SBF2: variants seen among roughly 807,000 people sequenced by gnomAD.
The protein encoded by SBF2 is SET binding factor 2.
In SBF2, 112 loss-of-function variants were observed where a neutral mutation model predicts 225.2. The ratio of observed to expected loss-of-function variants is 0.50; its 90% CI spans 0.43 to 0.58. The LOEUF (loss-of-function observed/expected upper bound fraction) is 0.58, where lower values mean the gene tolerates loss of function less well. Ranked by LOEUF, SBF2 falls within the 20% of genes least tolerant of loss-of-function variation. SBF2 has a pLI of 0.00. For synonymous variants in SBF2, 763 were observed against 773.3 expected (o/e 0.99, Z 0.22); for missense variants, 1,996 against 2,206.2 (o/e 0.90, Z 1.91).
chr11:10,110,126 T>C (rs1480275241), intron 2 of SBF2, among the ~76,000 whole-genome samples: 2 of 152,212 alleles, frequency 1.3e-5, no homozygotes, highest in African/African-American at 4.8e-5. Context: ...AAATAAAACA[T>C]TTCTTCACTG....
At chr11:9,871,404 C>A (rs577085632) in intron 17 of SBF2, among the ~76,000 whole-genome samples, 1 of 151,398 alleles carries the variant, frequency 6.6e-6, no homozygotes, top group South Asian at 2.1e-4. Flanking sequence ...CTCACCATCA[C>A]TGATCATTAG....
At chr11:10,182,020 A>G (rs57997449) in intron 2 of SBF2, among the ~76,000 whole-genome samples, 14,471 of 152,192 alleles carry the variant, frequency 0.095, 932 homozygotes, top group East Asian at 0.28. Context: ...TTATTAAATC[A>G]ACAGATTTGC....
chr11:10,123,638 C>A (rs1215845101), intron 2 of SBF2, among the ~76,000 whole-genome samples: 1 of 151,530 alleles, frequency 6.6e-6, no homozygotes, highest in Admixed American at 6.6e-5. Context: ...TATTCAGAGT[C>A]GAGTTTAATC....
chr11:9,819,018 G>A (rs542669883), intron 28 of SBF2, among the ~76,000 whole-genome samples: 6 of 152,258 alleles, frequency 3.9e-5, no homozygotes, highest in South Asian at 4.2e-4. Flanking sequence ...CACCACACCC[G>A]GCTGCATGAA....
Position 9,888,188 on chromosome 11 carries a change from A to G in SBF2, c.1929+7755T>C, listed in dbSNP as rs76311302. ...TGTATTTAGTGTAATTTTGAAAACTATGTTCCCTATTAGAAATACGTGAAA... is the reference window on the plus strand; with the variant it reads ...TGTATTTAGTGTAATTTTGAAAACTGTGTTCCCTATTAGAAATACGTGAAA... On this transcript the variant is annotated intron_variant, in intron 17 of 39. Coordinates refer to ENST00000256190, the MANE Select transcript of SBF2 (RefSeq NM_030962.4). 2.5e-3 allele frequency among the ~76,000 whole-genome samples: 380 copies of G among 152,260 alleles called. 2 individuals carry two copies. Among genetic ancestry groups the G allele is most frequent in the African/African-American group, 8.5e-3 (353 of 41,552 alleles).
chr11:9,980,495 G>A (rs911845321), intron 13 of SBF2, among the ~76,000 whole-genome samples: 2 of 152,116 alleles, frequency 1.3e-5, no homozygotes, highest in Non-Finnish European at 2.9e-5. Context: ...GCATGTGTTA[G>A]TAATATTACT....
intron 2 of SBF2, among the ~76,000 whole-genome samples, chr11:10,063,697 T>C (rs1048284210): frequency 6.6e-6 from 1 of 151,824 alleles, no homozygotes; most frequent in Non-Finnish European, 1.5e-5. Context: ...ATAAAAAAAC[T>C]CAAACTACTG....
At chr11:9,997,265 T>A (rs1004733155) in intron 9 of SBF2, among the ~76,000 whole-genome samples, 9 of 152,194 alleles carry the variant, frequency 5.9e-5, no homozygotes, top group African/African-American at 2.2e-4. Context: ...TGAAAAGCAA[T>A]GCAGAATTTC....
intron 13 of SBF2, among the ~76,000 whole-genome samples, chr11:9,978,177 T>C (rs1354440087): frequency 1.3e-5 from 2 of 152,256 alleles, no homozygotes; most frequent in East Asian, 3.9e-4. Flanking sequence ...CTGCCTCCCT[T>C]CCCCCAATTT....
chr11:10,003,989 G>A (rs1417218855), intron 6 of SBF2, among the ~76,000 whole-genome samples: 2 of 151,934 alleles, frequency 1.3e-5, no homozygotes, highest in Non-Finnish European at 1.5e-5. Flanking sequence ...TTCTTCATGT[G>A]ACATGCAAAT....
rs563827011 is a variant in SBF2 at position 10,124,498 on chromosome 11, G to A, written c.141+69404C>T. Among the ~76,000 whole-genome samples the A allele has an allele frequency of 2.5e-4, 38 of 152,202 alleles. No individual in the cohort carries two copies. The South Asian group carries it at 7.5e-3, about 30-fold the overall frequency. Reference sequence around the variant, plus strand: ...GAAGGCATCATTTTTCAATTTTCCTGGAAAGGTGAACTATATAAGTCCCTA... The same window carrying A: ...GAAGGCATCATTTTTCAATTTTCCTAGAAAGGTGAACTATATAAGTCCCTA... On this transcript the variant is annotated intron_variant, in intron 2 of 39. Coordinates refer to ENST00000256190, the MANE Select transcript of SBF2 (RefSeq NM_030962.4).
chr11:9,945,828 A>C (rs2134309694), intron 16 of SBF2, among the ~76,000 whole-genome samples: 1 of 152,350 alleles, frequency 6.6e-6, no homozygotes, highest in Non-Finnish European at 1.5e-5. Context: ...AGTATATAAA[A>C]AATGTTCAAC....
intron 2 of SBF2, among the ~76,000 whole-genome samples, chr11:10,122,306 C>G (rs1290714259): frequency 6.6e-6 from 1 of 152,120 alleles, no homozygotes; most frequent in East Asian, 1.9e-4. Context: ...GGGTGGAAGA[C>G]AGGAATAAAA....
intron 2 of SBF2, among the ~76,000 whole-genome samples, chr11:10,136,272 T>A (rs1269802999): frequency 2.0e-5 from 3 of 152,100 alleles, no homozygotes; most frequent in African/African-American, 7.2e-5. Flanking sequence ...AAGGTGAGAT[T>A]TGGATAGGGA....
intron 8 of SBF2, among the ~76,000 whole-genome samples, chr11:9,998,640 A>G (rs1236281112): frequency 6.6e-6 from 1 of 152,216 alleles, no homozygotes; most frequent in South Asian, 2.1e-4. Context: ...CCTTCAAGAC[A>G]GGGGATATGT....
Position 10,133,718 on chromosome 11 carries a change from G to C in SBF2, c.141+60184C>G, listed in dbSNP as rs190783360. 4.7e-3 allele frequency among the ~76,000 whole-genome samples: 708 copies of C among 151,712 alleles called. 5 individuals carry two copies. Among genetic ancestry groups the C allele is most frequent in the Non-Finnish European group, 8.6e-3 (581 of 67,848 alleles). On this transcript the variant is annotated intron_variant, in intron 2 of 39. Coordinates refer to ENST00000256190, the MANE Select transcript of SBF2 (RefSeq NM_030962.4). ...CACCTCCCTGCAAGCTGAGGGAGTG[G>C]GCTCCGGCCTTGGCCAGGCCAGAAA... is the stretch of plus-strand genomic sequence containing the variant.
At chr11:10,079,957 A>G (rs997418157) in intron 2 of SBF2, among the ~76,000 whole-genome samples, 1 of 150,914 alleles carries the variant, frequency 6.6e-6, no homozygotes, top group Non-Finnish European at 1.5e-5. Context: ...TTAAAGAAAA[A>G]AAAATGTGGG....
At chr11:10,220,518 A>G (rs1958302778) in intron 1 of SBF2, among the ~76,000 whole-genome samples, 1 of 152,012 alleles carries the variant, frequency 6.6e-6, no homozygotes. Context: ...CCTCCTTTCT[A>G]CCACCACTCC....
chr11:9,843,613 T>C (rs1244512248), intron 24 of SBF2, among the ~76,000 whole-genome samples: 1 of 152,238 alleles, frequency 6.6e-6, no homozygotes, highest in Non-Finnish European at 1.5e-5. Flanking sequence ...TCTGGTGTTT[T>C]CTTGCCATTC....
Sources: gnomAD v4.1 joint callset for allele counts (sites outside exome capture counted in the v4.1 genomes callset) on GRCh38, gnomAD v4.1.1 for gene constraint, MANE v1.5 for transcripts, NCBI Gene and HGNC (gene_info 2026-07-23, HGNC 2026-07-21) for gene names.